The following NKAIN2 variants were observed in gnomAD, a reference collection of about 807,000 sequenced individuals.
NKAIN2 encodes sodium/potassium transporting ATPase interacting 2, also known as sodium/potassium-transporting ATPase subunit beta-1-interacting protein 2.
NKAIN2 carries 14 observed loss-of-function variants against 32.6 expected under a neutral mutation model. The ratio of observed to expected loss-of-function variants is 0.43; its 90% CI spans 0.28 to 0.67. NKAIN2 has a LOEUF of 0.67. NKAIN2 is among the 30% of genes least tolerant of loss of function. The pLI, the probability that NKAIN2 is intolerant of heterozygous loss-of-function variation, is 0.17. For missense variants in NKAIN2, 198 were observed against 258.3 expected, an observed-to-expected ratio of 0.77 and a Z score of 1.60; for synonymous variants, 80 against 87.2, an observed-to-expected ratio of 0.92 and a Z score of 0.46.
At chr6:124,176,287 A>G (rs1424071293) in intron 1 of NKAIN2, among the ~76,000 whole-genome samples, 4 of 152,126 alleles carry the variant, frequency 2.6e-5, no homozygotes, top group Admixed American at 6.5e-5. Context: ...TTCGATTTGT[A>G]AAAAAATGCA....
chr6:124,386,608 T>A (rs1284274115), intron 3 of NKAIN2, among the ~76,000 whole-genome samples: 1 of 152,134 alleles, frequency 6.6e-6, no homozygotes, highest in Non-Finnish European at 1.5e-5. Flanking sequence ...ATTCACTGAG[T>A]GGAAAATTGG....
chr6:124,459,810 GT>G (rs1349578813), intron 3 of NKAIN2, among the ~76,000 whole-genome samples: 4 of 151,662 alleles, frequency 2.6e-5, no homozygotes, highest in Non-Finnish European at 5.9e-5. Flanking sequence ...CTGTTTAGAT[GT>G]TTTTTATTTT....
chr6:123,980,650 T>C lies in NKAIN2; in HGVS notation c.54+176396T>C, dbSNP rs191557621. On this transcript the variant is annotated intron_variant, in intron 1 of 6. Coordinates refer to ENST00000368417, the MANE Select transcript of NKAIN2 (RefSeq NM_001040214.3). ...CAGCACAGCTAACTTCCAAACAAGA[T>C]TTGAATACTAAAATGAATGTCTTAT... Among the ~76,000 whole-genome samples the C allele has an allele frequency of 1.1e-3, 172 of 152,288 alleles. 2 individuals carry two copies. In the South Asian group the frequency reaches 0.017, roughly 15 times the overall value.
chr6:123,929,714 C>T (rs1321499500), intron 1 of NKAIN2, among the ~76,000 whole-genome samples: 1 of 152,028 alleles, frequency 6.6e-6, no homozygotes, highest in Non-Finnish European at 1.5e-5. Flanking sequence ...TGTTGTAGTT[C>T]TCAATCTTTG....
chr6:124,122,901 A>T (rs912956643), intron 1 of NKAIN2, among the ~76,000 whole-genome samples: 11 of 152,150 alleles, frequency 7.2e-5, no homozygotes, highest in Admixed American at 2.6e-4. Flanking sequence ...AAATAAATAT[A>T]AGAGAATTGC....
intron 1 of NKAIN2, among the ~76,000 whole-genome samples, chr6:123,873,317 A>T (rs1433273015): frequency 2.0e-5 from 3 of 152,008 alleles, no homozygotes; most frequent in African/African-American, 7.2e-5. Context: ...GAGAGGGATG[A>T]GGTTGTTGTT....
At chr6:124,569,514 G>A (rs1781046324) in intron 3 of NKAIN2, among the ~76,000 whole-genome samples, 2 of 152,160 alleles carry the variant, frequency 1.3e-5, no homozygotes, top group African/African-American at 2.4e-5. Context: ...GACCCAGCGG[G>A]AGGTAATTGA....
At chr6:123,887,131 A>T (rs549226156) in intron 1 of NKAIN2, among the ~76,000 whole-genome samples, 102 of 152,296 alleles carry the variant, frequency 6.7e-4, no homozygotes, top group Admixed American at 4.8e-3. Flanking sequence ...TTCGAGCATT[A>T]CAAACAAATT....
At chr6:124,746,153 A>G (rs149222732) in intron 4 of NKAIN2, among the ~76,000 whole-genome samples, 82 of 152,002 alleles carry the variant, frequency 5.4e-4, no homozygotes, top group African/African-American at 1.9e-3. Context: ...GCCATGTTAT[A>G]TGGGGTTGGG....
chr6:124,224,479 T>C (rs745935933), intron 1 of NKAIN2, among the ~76,000 whole-genome samples: 3 of 152,092 alleles, frequency 2.0e-5, no homozygotes, highest in Non-Finnish European at 4.4e-5. Flanking sequence ...CTTGTGTTGT[T>C]TCTAGATGCT....
At chr6:124,333,833 C>A (rs141078962) in intron 2 of NKAIN2, among the ~76,000 whole-genome samples, 10 of 151,964 alleles carry the variant, frequency 6.6e-5, no homozygotes, top group African/African-American at 2.4e-4. Flanking sequence ...CCTTTTTGTC[C>A]TTAAAAGCTA....
intron 1 of NKAIN2, among the ~76,000 whole-genome samples, chr6:124,260,459 A>C (rs1794191059): frequency 6.6e-6 from 1 of 152,216 alleles, no homozygotes; most frequent in Non-Finnish European, 1.5e-5. Flanking sequence ...TAAACCACAC[A>C]GGTGTCAGGG....
intron 1 of NKAIN2, among the ~76,000 whole-genome samples, chr6:123,856,318 G>A (rs2065609): frequency 0.66 from 100,525 of 152,056 alleles, 33,269 homozygotes; most frequent in East Asian, 0.76. Flanking sequence ...TCGGAATATA[G>A]AATAAATTTT....
chr6:124,204,855 T>C (rs982434161), intron 1 of NKAIN2, among the ~76,000 whole-genome samples: 3 of 151,724 alleles, frequency 2.0e-5, no homozygotes, highest in Non-Finnish European at 3.0e-5. Flanking sequence ...GTACAGTTTC[T>C]TAGCATATTA....
intron 1 of NKAIN2, among the ~76,000 whole-genome samples, chr6:124,122,254 TC>T (rs1481471652): frequency 6.6e-6 from 1 of 152,056 alleles, no homozygotes; most frequent in Non-Finnish European, 1.5e-5. Flanking sequence ...AAAGTTGAGA[TC>T]ACGTAGTATA....
intron 3 of NKAIN2, among the ~76,000 whole-genome samples, chr6:124,407,442 G>A (rs867814731): frequency 6.6e-5 from 10 of 150,482 alleles, no homozygotes; most frequent in African/African-American, 1.7e-4. Context: ...GAGAACATGC[G>A]GTGTTTGGTT....
At chr6:124,249,412 T>C (rs1393307768) in intron 1 of NKAIN2, among the ~76,000 whole-genome samples, 1 of 152,050 alleles carries the variant, frequency 6.6e-6, no homozygotes, top group Non-Finnish European at 1.5e-5. Flanking sequence ...TGGGGGGTAG[T>C]CATATGAATC....
intron 4 of NKAIN2, among the ~76,000 whole-genome samples, chr6:124,705,462 A>T (rs1775011594): frequency 6.6e-6 from 1 of 152,084 alleles, no homozygotes; most frequent in African/African-American, 2.4e-5. Context: ...GGGATAGTGA[A>T]CATTGTAAGA....
At chr6:124,003,916 T>G (rs760198881) in intron 1 of NKAIN2, among the ~76,000 whole-genome samples, 18 of 152,176 alleles carry the variant, frequency 1.2e-4, no homozygotes, top group Non-Finnish European at 1.9e-4. Flanking sequence ...TGCCAGACTT[T>G]AAAGACAGAA....
Sources: gnomAD v4.1 joint callset for allele counts (sites outside exome capture counted in the v4.1 genomes callset) on GRCh38, gnomAD v4.1.1 for gene constraint, MANE v1.5 for transcripts, NCBI Gene and HGNC (gene_info 2026-07-23, HGNC 2026-07-21) for gene names.